The following DCX variants were observed in gnomAD, a reference collection of about 807,000 sequenced individuals.
DCX encodes the protein doublecortin.
A neutral mutation model predicts 20.9 loss-of-function variants in DCX; 4 were observed. The ratio of observed to expected loss-of-function variants is 0.19; its 90% CI spans 0.09 to 0.44. The LOEUF (loss-of-function observed/expected upper bound fraction) is 0.44. Ranked by LOEUF, DCX falls within the 20% of genes least tolerant of loss-of-function variation. The probability of loss-of-function intolerance (pLI) is 0.99; values close to 1 mark genes in which losing one functional copy is unlikely to be tolerated. For missense variants in DCX, 133 were observed against 296.9 expected, an observed-to-expected ratio of 0.45 and a Z score of 4.06; for synonymous variants, 103 against 111.4, an observed-to-expected ratio of 0.92 and a Z score of 0.47.
intron 6 of DCX, among the ~76,000 whole-genome samples, chrX:111,301,993 G>A (rs1319252895): frequency 1.8e-5 from 2 of 110,544 alleles, no homozygotes; most frequent in Non-Finnish European, 3.8e-5. Flanking sequence ...GTGTGTGTGT[G>A]TATATTCCTA....
chrX:111,403,422 G>A (rs921910639), intron 2 of DCX, among the ~76,000 whole-genome samples: 15 of 111,393 alleles, frequency 1.3e-4, no homozygotes, highest in African/African-American at 2.0e-4. Context: ...ATGATTAACC[G>A]TCTCCAGATG....
chrX:111,306,315 A>G, intron 6 of DCX, among the ~76,000 whole-genome samples: 1 of 112,111 alleles, frequency 8.9e-6, no homozygotes, highest in African/African-American at 3.2e-5. Flanking sequence ...AGACTTTAAG[A>G]CAAAAATTAT....
chrX:111,382,440 C>A (rs926779066), intron 3 of DCX, among the ~76,000 whole-genome samples: 3 of 111,706 alleles, frequency 2.7e-5, no homozygotes, highest in Non-Finnish European at 5.7e-5. Flanking sequence ...AAGTGCTATC[C>A]CAAAATACTT....
intron 6 of DCX, among the ~76,000 whole-genome samples, chrX:111,307,739 C>T (rs766245476): frequency 8.9e-6 from 1 of 112,050 alleles, no homozygotes; most frequent in Non-Finnish European, 1.9e-5. Context: ...TACAAAAGGA[C>T]CTTTTAATAA....
chrX:111,338,383 C>T lies in DCX; in HGVS notation c.706-5230G>A, dbSNP rs752975162. Among the ~76,000 whole-genome samples, 4 of 111,649 alleles carry T rather than the reference C, an allele frequency of 3.6e-5. No individual in the cohort carries two copies. The East Asian group carries it at 1.1e-3, about 32-fold the overall frequency. On this transcript the variant is annotated intron_variant, in intron 3 of 6. Coordinates refer to ENST00000636035, the MANE Select transcript of DCX (RefSeq NM_001195553.2). ...CAGTCTTGCCAACAGTGTGCCTTGC[C>T]TATCAAGAATGGCAGGGAAATTTTG...
At chrX:111,369,478 T>C (rs1924901862) in intron 3 of DCX, among the ~76,000 whole-genome samples, 1 of 111,712 alleles carries the variant, frequency 9.0e-6, no homozygotes, top group Non-Finnish European at 1.9e-5. Context: ...TCTCCAGCAC[T>C]AGGCAAACAA....
At chrX:111,372,289 GC>G (rs1925162956) in intron 3 of DCX, among the ~76,000 whole-genome samples, 1 of 112,042 alleles carries the variant, frequency 8.9e-6, no homozygotes, top group African/African-American at 3.2e-5. Flanking sequence ...CTGTTCTGCA[GC>G]TGTGCTGCAG....
At chrX:111,339,640 T>C (rs1201945836) in intron 3 of DCX, among the ~76,000 whole-genome samples, 1 of 112,086 alleles carries the variant, frequency 8.9e-6, no homozygotes, top group African/African-American at 3.2e-5. Context: ...GCCATATATA[T>C]ACTGAATACT....
chrX:111,406,208 A>G, intron 2 of DCX, among the ~76,000 whole-genome samples: 1 of 111,918 alleles, frequency 8.9e-6, no homozygotes. Context: ...GATTTGTAAA[A>G]ACACAAACAC....
chrX:111,408,262 C>A (rs1038832406), intron 2 of DCX, among the ~76,000 whole-genome samples: 2 of 111,513 alleles, frequency 1.8e-5, no homozygotes, highest in Non-Finnish European at 3.8e-5. Context: ...TTAACCACTG[C>A]CTGTCCATTG....
chrX:111,342,547 A>AG (rs1922382864), intron 3 of DCX, among the ~76,000 whole-genome samples: 1 of 105,837 alleles, frequency 9.4e-6, no homozygotes, highest in African/African-American at 3.4e-5. Context: ...ACTTTAACTC[A>AG]GCTCTGGATC....
At chrX:111,303,660 T>C (rs2095038886) in intron 6 of DCX, among the ~76,000 whole-genome samples, 1 of 111,790 alleles carries the variant, frequency 8.9e-6, no homozygotes, top group African/African-American at 3.3e-5. Context: ...CTTTGAGTAT[T>C]GGTTTCTTTA....
chrX:111,384,562 C>T (rs1040526608), intron 3 of DCX, among the ~76,000 whole-genome samples: 1 of 111,554 alleles, frequency 9.0e-6, no homozygotes, highest in African/African-American at 3.3e-5. Flanking sequence ...CCTATAGAGT[C>T]TCCCAAAGTG....
intron 3 of DCX, among the ~76,000 whole-genome samples, chrX:111,392,112 C>G (rs772395208): frequency 1.8e-5 from 2 of 111,263 alleles, no homozygotes; most frequent in Non-Finnish European, 3.8e-5. Context: ...AATAAAGAAA[C>G]CTTCATGTTT....
chrX:111,329,224 T>G, intron 5 of DCX, among the ~76,000 whole-genome samples: 1 of 112,383 alleles, frequency 8.9e-6, no homozygotes, highest in Non-Finnish European at 1.9e-5. Flanking sequence ...GATATAGATT[T>G]ATGTGCTCTT....
intron 3 of DCX, among the ~76,000 whole-genome samples, chrX:111,388,282 A>G (rs1462198279): frequency 1.8e-5 from 2 of 111,574 alleles, no homozygotes; most frequent in Non-Finnish European, 3.8e-5. Context: ...TGCCTTTACC[A>G]TGGGTGAATA....
At chrX:111,306,985 G>T (rs927702788) in intron 6 of DCX, among the ~76,000 whole-genome samples, 4 of 110,759 alleles carry the variant, frequency 3.6e-5, no homozygotes, top group Non-Finnish European at 7.6e-5. Flanking sequence ...TTAGTGGTTG[G>T]TTGCCAGGGG....
chrX:111,310,709 C>T (rs73637004), intron 6 of DCX, among the ~76,000 whole-genome samples: 9,893 of 111,965 alleles, frequency 0.088, 813 homozygotes, highest in African/African-American at 0.26. Context: ...TAAAATGAAA[C>T]ACTGAAAATT....
chrX:111,363,707 A>G (rs1323447350), intron 3 of DCX, among the ~76,000 whole-genome samples: 1 of 111,231 alleles, frequency 9.0e-6, no homozygotes, highest in Non-Finnish European at 1.9e-5. Flanking sequence ...CATTTCACAT[A>G]TTATACATTT....
Sources: gnomAD v4.1 joint callset for allele counts (sites outside exome capture counted in the v4.1 genomes callset) on GRCh38, gnomAD v4.1.1 for gene constraint, MANE v1.5 for transcripts, NCBI Gene and HGNC (gene_info 2026-07-23, HGNC 2026-07-21) for gene names.